RBFOX1: variants seen among roughly 807,000 people sequenced by gnomAD.
RBFOX1 encodes RNA binding protein fox-1 homolog 1.
A neutral mutation model predicts 57.7 loss-of-function variants in RBFOX1; 8 were observed. The ratio of observed to expected loss-of-function variants is 0.14; its 90% CI spans 0.08 to 0.25. The LOEUF (loss-of-function observed/expected upper bound fraction) is 0.25, where lower values mean the gene tolerates loss of function less well. Among genes scored for constraint, RBFOX1 ranks in the 10% least tolerant of loss-of-function variants. The probability of loss-of-function intolerance (pLI) is 1.00; values close to 1 mark genes in which losing one functional copy is unlikely to be tolerated. For missense variants in RBFOX1, 611 were observed against 548.5 expected (o/e 1.11, Z -1.14); for synonymous variants, 326 against 222.4 (o/e 1.47, Z -4.15).
At chr16:5,909,233 C>T (rs1021891971) in intron 4 of RBFOX1, among the ~76,000 whole-genome samples, 1 of 151,464 alleles carries the variant, frequency 6.6e-6, no homozygotes, top group Non-Finnish European at 1.5e-5. Context: ...GCTGGGACTA[C>T]AGGCACCCAC....
At chr16:5,632,173 C>G (rs1156500503) in intron 3 of RBFOX1, among the ~76,000 whole-genome samples, 1 of 152,192 alleles carries the variant, frequency 6.6e-6, no homozygotes, top group East Asian at 1.9e-4. Context: ...GTACCTATCA[C>G]ATGTATGCAT....
intron 3 of RBFOX1, among the ~76,000 whole-genome samples, chr16:6,870,575 T>A (rs2060692304): frequency 6.6e-6 from 1 of 152,222 alleles, no homozygotes; most frequent in African/African-American, 2.4e-5. Flanking sequence ...GGTTTTAATT[T>A]CAGGTTTGAC....
intron 1 of RBFOX1, among the ~76,000 whole-genome samples, chr16:6,149,202 T>C (rs2096780399): frequency 6.6e-6 from 1 of 152,226 alleles, no homozygotes; most frequent in Non-Finnish European, 1.5e-5. Context: ...AAGTTCTTTG[T>C]GTGTGTATGT....
At chr16:5,799,275 T>C (rs1055450872) in intron 3 of RBFOX1, among the ~76,000 whole-genome samples, 3 of 152,040 alleles carry the variant, frequency 2.0e-5, no homozygotes, top group African/African-American at 7.2e-5. Context: ...TATCTCCCAC[T>C]GGGTTCCTCC....
At chr16:6,604,016 T>G (rs17140720) in intron 2 of RBFOX1, among the ~76,000 whole-genome samples, 1 of 152,036 alleles carries the variant, frequency 6.6e-6, no homozygotes. Flanking sequence ...CTGTGGTCCT[T>G]TCATGTAGCT....
intron 4 of RBFOX1, among the ~76,000 whole-genome samples, chr16:7,361,381 T>A (rs111241002): frequency 6.6e-6 from 1 of 152,312 alleles, no homozygotes; most frequent in African/African-American, 2.4e-5. Context: ...TTGGGGAAGA[T>A]TAAAACCATT....
chr16:6,518,509 C>G (rs1049792861), intron 2 of RBFOX1, among the ~76,000 whole-genome samples: 4 of 152,070 alleles, frequency 2.6e-5, no homozygotes, highest in Non-Finnish European at 4.4e-5. Context: ...GTGTAGTTTT[C>G]TCTGGGTCAT....
chr16:5,420,424 A>C (rs1240434343), intron 1 of RBFOX1, among the ~76,000 whole-genome samples: 1 of 152,084 alleles, frequency 6.6e-6, no homozygotes, highest in Non-Finnish European at 1.5e-5. Context: ...TCAGGTTCAC[A>C]CAGTCACACA....
intron 11 of RBFOX1, among the ~76,000 whole-genome samples, chr16:7,645,621 G>A (rs1315435114): frequency 6.6e-6 from 1 of 152,212 alleles, no homozygotes; most frequent in Non-Finnish European, 1.5e-5. Context: ...CCAAGCAAAT[G>A]AACAGTGAAA....
Position 6,181,127 on chromosome 16 carries a change from A to G in RBFOX1, c.-126-135868A>G, listed in dbSNP as rs200328454. The stretch of plus-strand genomic sequence containing the variant: ...CTGCTTCAGGATTAATCTGAAATGT[A>G]TGGGCTGGTAAAGTCATTGGCTCTC... On this transcript the variant is annotated intron_variant, in intron 1 of 15. Coordinates refer to ENST00000550418, the MANE Select transcript of RBFOX1 (RefSeq NM_018723.4). Among the ~76,000 whole-genome samples the G allele has an allele frequency of 1.2e-4, 18 of 152,290 alleles. No individual in the cohort carries two copies. The East Asian group carries it at 2.7e-3, about 23-fold the overall frequency.
chr16:7,175,310 A>G (rs2081436154), intron 4 of RBFOX1, among the ~76,000 whole-genome samples: 2 of 152,138 alleles, frequency 1.3e-5, no homozygotes, highest in Admixed American at 6.5e-5. Context: ...TGATCTTTCA[A>G]TGAAATAACC....
At chr16:7,189,306 G>T (rs1358256778) in intron 4 of RBFOX1, among the ~76,000 whole-genome samples, 2 of 151,292 alleles carry the variant, frequency 1.3e-5, no homozygotes, top group African/African-American at 4.9e-5. Flanking sequence ...GGCGCCTGAA[G>T]TCACAGCTAC....
chr16:5,975,354 C>T (rs1375618928), intron 4 of RBFOX1, among the ~76,000 whole-genome samples: 1 of 152,224 alleles, frequency 6.6e-6, no homozygotes, highest in Non-Finnish European at 1.5e-5. Context: ...AGAGCAATAG[C>T]TGCTTCTGAT....
At chr16:7,105,810 C>T (rs962420059) in intron 4 of RBFOX1, among the ~76,000 whole-genome samples, 2 of 151,794 alleles carry the variant, frequency 1.3e-5, no homozygotes, top group African/African-American at 4.8e-5. Context: ...AGAGATATCA[C>T]AGGTTCTTTA....
intron 3 of RBFOX1, among the ~76,000 whole-genome samples, chr16:6,971,625 G>A (rs554575860): frequency 1.6e-4 from 24 of 152,174 alleles, no homozygotes; most frequent in Middle Eastern, 6.8e-3. Flanking sequence ...GATTGGGGGC[G>A]GAGAATGGAG....
intron 1 of RBFOX1, among the ~76,000 whole-genome samples, chr16:6,170,189 T>C (rs945150630): frequency 6.6e-6 from 1 of 152,138 alleles, no homozygotes; most frequent in Non-Finnish European, 1.5e-5. Context: ...TGAGGAAGGG[T>C]ATCATGAAGA....
intron 1 of RBFOX1, among the ~76,000 whole-genome samples, chr16:5,290,780 C>T (rs1449052560): frequency 2.0e-5 from 3 of 151,660 alleles, no homozygotes. Flanking sequence ...CTCACTGCAA[C>T]CTCTGCCTCC....
At chr16:7,209,185 A>AATT (rs2090616786) in intron 4 of RBFOX1, among the ~76,000 whole-genome samples, 1 of 139,014 alleles carries the variant, frequency 7.2e-6, no homozygotes, top group African/African-American at 2.7e-5. Flanking sequence ...TAATAATAAT[A>AATT]ATTGCAGGGT....
chr16:5,867,870 C>G (rs1401594870), intron 4 of RBFOX1, among the ~76,000 whole-genome samples: 3 of 152,006 alleles, frequency 2.0e-5, no homozygotes, highest in African/African-American at 4.8e-5. Flanking sequence ...CACCGCCACG[C>G]CTGGCTAATT....
Sources: allele counts gnomAD v4.1 joint callset (sites outside exome capture counted in the v4.1 genomes callset), GRCh38; gene constraint gnomAD v4.1.1; transcripts MANE v1.5; gene names NCBI Gene and HGNC (gene_info 2026-07-23, HGNC 2026-07-21).